Variants in AKAP6 observed in about 807,000 individuals in gnomAD.
AKAP6 encodes the protein A-kinase anchoring protein 6.
In AKAP6, 58 loss-of-function variants were observed where a neutral mutation model predicts 188.5. The ratio of observed to expected loss-of-function variants is 0.31; its 90% CI spans 0.25 to 0.38. AKAP6 has a LOEUF of 0.38. Ranked by LOEUF, AKAP6 falls within the 10% of genes least tolerant of loss-of-function variation. The pLI is 1.00. For synonymous variants in AKAP6, 989 were observed against 998.6 expected (o/e 0.99, Z 0.18); for missense variants, 2,710 against 2,740.0 (o/e 0.99, Z 0.24).
In AKAP6 at chr14:32,824,459, C is replaced by T. The variant is rs779664194; in HGVS notation, c.6646C>T (p.Pro2216Ser). The change falls in exon 13 of 14, where the codon CCT (proline) becomes TCT (serine). Residue 2216 changes from proline to serine, a missense_variant. This residue lies in a region of AKAP6 where 2,473 missense variants were observed against 2,426.1 expected (regional missense o/e 1.02). Coordinates refer to ENST00000280979, the MANE Select transcript of AKAP6 (RefSeq NM_004274.5). ...TGCAGATACAGTGGCTCTTTCAAGT[C>T]CTTCCTCTCAGGAAAGAGCTGAGGT... ...DDADTVALSS[P>S]SSQERAEVGK... 3.1e-6 allele frequency: 5 copies of T among 1,613,804 alleles called. No homozygotes were observed. In the South Asian group the frequency reaches 4.4e-5, roughly 14 times the overall value.
rs566718110 is a variant in AKAP6 at position 32,655,334 on chromosome 14, C to A, written c.2731-22977C>A. Among the ~76,000 whole-genome samples the A allele has an allele frequency of 7.9e-5, 12 of 152,280 alleles. No homozygotes were observed. In the South Asian group the frequency reaches 2.5e-3, roughly 32 times the overall value. ...CTAGAGCGTAGATGCAAGATGTTAACTGTAACTGATACTAAGTGTTAAACC... is the reference window on the plus strand; with the variant it reads ...CTAGAGCGTAGATGCAAGATGTTAAATGTAACTGATACTAAGTGTTAAACC... On this transcript the variant is annotated intron_variant, in intron 7 of 13. Transcript: ENST00000280979.
chr14:32,813,391 C>CCCG (rs1555365128), intron 12 of AKAP6, among the ~76,000 whole-genome samples: 1 of 102,940 alleles, frequency 9.7e-6, no homozygotes, highest in African/African-American at 4.5e-5. Context: ...CTAACCCTAC[C>CCCG]CCCCCCCCCA....
chr14:32,424,812 G>A (rs1028490278), intron 1 of AKAP6, among the ~76,000 whole-genome samples: 3 of 152,084 alleles, frequency 2.0e-5, no homozygotes, highest in African/African-American at 4.8e-5. Context: ...CTCCATCCAC[G>A]TCCCTGCAAA....
At chr14:32,490,743 TCTTA>T (rs1395048101) in intron 2 of AKAP6, among the ~76,000 whole-genome samples, 1 of 152,184 alleles carries the variant, frequency 6.6e-6, no homozygotes, top group East Asian at 1.9e-4. Flanking sequence ...GTGCCAAATG[TCTTA>T]CTTCTGTAAA....
intron 1 of AKAP6, among the ~76,000 whole-genome samples, chr14:32,379,815 A>G (rs151305648): frequency 2.0e-4 from 31 of 152,256 alleles, no homozygotes; most frequent in African/African-American, 7.2e-4. Flanking sequence ...ATCTAGCCTG[A>G]TAATCTGTGA....
At chr14:32,786,296 A>ATGTTTGTTTTTTTT in intron 12 of AKAP6, among the ~76,000 whole-genome samples, 1 of 93,706 alleles carries the variant, frequency 1.1e-5, no homozygotes, top group Non-Finnish European at 2.1e-5. Context: ...CTAAACCTTT[A>ATGTTTGTTTTTTTT]TCTTTTTTTT....
chr14:32,769,425 G>C (rs1312500348), intron 11 of AKAP6, among the ~76,000 whole-genome samples: 1 of 151,968 alleles, frequency 6.6e-6, no homozygotes, highest in Non-Finnish European at 1.5e-5. Context: ...ATTGAAGGCA[G>C]GTACATTATC....
Position 32,837,567 on chromosome 14 carries a change from T to A in AKAP6, c.*7762T>A, listed in dbSNP as rs574928811. ...CACTAAGTCAGCAATTCAAAACAAATAATTCCCTCTGTGTGTGTTTGTTTG... is the reference window on the plus strand; with the variant it reads ...CACTAAGTCAGCAATTCAAAACAAAAAATTCCCTCTGTGTGTGTTTGTTTG... On this transcript the variant is annotated 3_prime_UTR_variant, in exon 14 of 14. Transcript: ENST00000280979. The A allele has an allele frequency of 2.7e-4, 41 of 152,336 alleles. No homozygotes were observed. Among genetic ancestry groups the A allele is most frequent in the Admixed American group, 2.6e-3 (40 of 15,300 alleles). 9.4% of individuals were successfully genotyped at this position (152,336 alleles called of 1,614,324 possible).
chr14:32,515,379 A>C (rs1881468316), intron 2 of AKAP6, among the ~76,000 whole-genome samples: 1 of 152,100 alleles, frequency 6.6e-6, no homozygotes, highest in Admixed American at 6.6e-5. Flanking sequence ...TCAGAGAGAT[A>C]CCTTTCAATG....
chr14:32,537,375 C>G (rs903822138), intron 3 of AKAP6, among the ~76,000 whole-genome samples: 1 of 152,174 alleles, frequency 6.6e-6, no homozygotes, highest in African/African-American at 2.4e-5. Flanking sequence ...CTAGAGGGTT[C>G]TCAACTGGGA....
intron 12 of AKAP6, among the ~76,000 whole-genome samples, chr14:32,801,372 A>G (rs1176101608): frequency 6.6e-6 from 1 of 152,184 alleles, no homozygotes; most frequent in Non-Finnish European, 1.5e-5. Context: ...TTTACCTTCA[A>G]ACAATACTAT....
intron 2 of AKAP6, among the ~76,000 whole-genome samples, chr14:32,507,822 G>A (rs1880958332): frequency 6.6e-6 from 1 of 152,196 alleles, no homozygotes; most frequent in East Asian, 1.9e-4. Flanking sequence ...AATGCCATGA[G>A]CAAAAGGCAA....
chr14:32,546,505 G>A lies in AKAP6; in HGVS notation c.1852G>A (p.Gly618Ser). 6.2e-7 allele frequency: 1 copy of A among 1,614,176 alleles called. No homozygotes were observed. Among genetic ancestry groups the A allele is most frequent in the Non-Finnish European group, 8.5e-7 (1 of 1,180,032 alleles). Residue 618 changes from glycine (G) to serine (S), a missense_variant, in exon 4 of 14, where the codon GGT becomes AGT. Physicochemically the swap from Gly to Ser is moderately conservative, Grantham distance 56. This residue lies in a region of AKAP6 where 2,473 missense variants were observed against 2,426.1 expected (regional missense o/e 1.02). Coordinates refer to ENST00000280979, the MANE Select transcript of AKAP6 (RefSeq NM_004274.5). ...CTCTCCAAGTCACGTCACTAGGAAT[G>A]GTGAGGTTGTGGAGGCCTGGTATGG... Reference protein sequence around the residue: ...ASSPSHVTRNGEVVEAWYGSD... With the variant: ...ASSPSHVTRNSEVVEAWYGSD...
intron 1 of AKAP6, among the ~76,000 whole-genome samples, chr14:32,338,455 G>A (rs959675606): frequency 2.0e-5 from 3 of 151,758 alleles, no homozygotes; most frequent in African/African-American, 4.9e-5. Context: ...TTTCCATTTT[G>A]GATTTGGAAT....
intron 11 of AKAP6, among the ~76,000 whole-genome samples, chr14:32,750,261 C>T (rs2032072963): frequency 6.6e-6 from 1 of 152,068 alleles, no homozygotes; most frequent in Admixed American, 6.6e-5. Flanking sequence ...GCCACTTTTA[C>T]AATTTAAAAA....
chr14:32,828,007 G>C (rs1349494922), intron 13 of AKAP6, among the ~76,000 whole-genome samples: 1 of 152,134 alleles, frequency 6.6e-6, no homozygotes. Context: ...GGGTTGAGGA[G>C]CTGTATTTAC....
chr14:32,801,014 C>G (rs1160432307), intron 12 of AKAP6, among the ~76,000 whole-genome samples: 1 of 152,042 alleles, frequency 6.6e-6, no homozygotes, highest in Non-Finnish European at 1.5e-5. Flanking sequence ...GACACTCTGT[C>G]TCAAAAATAA....
chr14:32,650,282 G>C (rs993709185), intron 7 of AKAP6, among the ~76,000 whole-genome samples: 7 of 152,128 alleles, frequency 4.6e-5, no homozygotes, highest in Non-Finnish European at 1.0e-4. Flanking sequence ...ATAGCGGTTT[G>C]TCTTTCAGAC....
intron 11 of AKAP6, among the ~76,000 whole-genome samples, chr14:32,741,991 G>A (rs2031700894): frequency 6.6e-6 from 1 of 151,710 alleles, no homozygotes; most frequent in African/African-American, 2.4e-5. Flanking sequence ...CAGCAGTGAA[G>A]CCATCGGGTC....
Sources: allele counts gnomAD v4.1 joint callset (sites outside exome capture counted in the v4.1 genomes callset), GRCh38; gene constraint gnomAD v4.1.1; regional missense constraint gnomAD v4.1.1; transcripts MANE v1.5; gene names NCBI Gene and HGNC (gene_info 2026-07-23, HGNC 2026-07-21).